Variants in SYNPR observed in about 807,000 individuals in gnomAD.
SYNPR encodes synaptoporin.
In SYNPR, 23 loss-of-function variants were observed where a neutral mutation model predicts 32.9. The observed-to-expected ratio is 0.70, with a 90% CI of 0.50 to 0.99. The LOEUF is 0.99. Among genes scored for constraint, SYNPR ranks in the 50% least tolerant of loss-of-function variants. The pLI is 0.00. For missense variants in SYNPR, 318 were observed against 349.3 expected, an observed-to-expected ratio of 0.91 and a Z score of 0.71; for synonymous variants, 146 against 135.9, an observed-to-expected ratio of 1.07 and a Z score of -0.52.
chr3:63,432,969 A>G (rs1700020292), intron 2 of SYNPR, among the ~76,000 whole-genome samples: 1 of 152,158 alleles, frequency 6.6e-6, no homozygotes, highest in Non-Finnish European at 1.5e-5. Context: ...CTGATTCAGG[A>G]GAGGTCAGGG....
chr3:63,448,896 G>C (rs1700328695), intron 2 of SYNPR, among the ~76,000 whole-genome samples: 2 of 152,156 alleles, frequency 1.3e-5, no homozygotes, highest in African/African-American at 4.8e-5. Flanking sequence ...GGAAATGTGT[G>C]CTTTTGGTCC....
At chr3:63,360,763 A>T (rs1266885744) in intron 2 of SYNPR, among the ~76,000 whole-genome samples, 1 of 152,180 alleles carries the variant, frequency 6.6e-6, no homozygotes, top group African/African-American at 2.4e-5. Flanking sequence ...TCAGATGCAG[A>T]GTGCCCCCTT....
intron 2 of SYNPR, among the ~76,000 whole-genome samples, chr3:63,373,204 C>T (rs2087843108): frequency 6.6e-6 from 1 of 152,158 alleles, no homozygotes; most frequent in African/African-American, 2.4e-5. Context: ...ACTAGTTCCC[C>T]AGCAAGGGTA....
chr3:63,506,228 T>C (rs1388446524), intron 3 of SYNPR, among the ~76,000 whole-genome samples: 1 of 152,076 alleles, frequency 6.6e-6, no homozygotes, highest in Non-Finnish European at 1.5e-5. Flanking sequence ...GAACCATTGA[T>C]TGAACATGGG....
chr3:63,210,311 G>A, the SYNPR span, among the ~76,000 whole-genome samples: 2 of 152,196 alleles, frequency 1.3e-5, no homozygotes, highest in Admixed American at 1.3e-4. Flanking sequence ...CTTTCCTCAA[G>A]GAGTAGGTAA....
intron 2 of SYNPR, among the ~76,000 whole-genome samples, chr3:63,439,104 C>T (rs1453349065): frequency 6.6e-6 from 1 of 152,080 alleles, no homozygotes; most frequent in Non-Finnish European, 1.5e-5. Context: ...GGTGTGTCCA[C>T]CAAAGGGGAG....
chr3:63,450,878 A>C (rs994881496), intron 2 of SYNPR, among the ~76,000 whole-genome samples: 2 of 152,096 alleles, frequency 1.3e-5, no homozygotes, highest in Non-Finnish European at 2.9e-5. Flanking sequence ...AATTATCGAG[A>C]CCCTTGGCAC....
Position 63,287,203 on chromosome 3 carries a change from CA to C in SYNPR, c.84+8463del, listed in dbSNP as rs1269929238. ...ATCCTCACCCTTTTAACTCTCATAC[CA>C]AGAGACAATTTCTTGCTCTGTACAC... On this transcript the variant is annotated intron_variant, in intron 2 of 5. Transcript: ENST00000478300. Among the ~76,000 whole-genome samples the C allele has an allele frequency of 2.6e-5, 4 of 152,148 alleles. No homozygotes were observed. The East Asian group carries it at 5.8e-4, about 22-fold the overall frequency.
chr3:63,571,841 T>A (rs1280923701), intron 4 of SYNPR, among the ~76,000 whole-genome samples: 1 of 152,162 alleles, frequency 6.6e-6, no homozygotes, highest in Non-Finnish European at 1.5e-5. Context: ...CCCGCCTAGA[T>A]CTATGATCCT....
At chr3:63,479,431 A>T (rs1014180707) in intron 2 of SYNPR, among the ~76,000 whole-genome samples, 1 of 118,638 alleles carries the variant, frequency 8.4e-6, no homozygotes, top group Admixed American at 8.9e-5. Context: ...AGTCACTTAA[A>T]ACTGCCACAC....
At chr3:63,203,772 G>A in the SYNPR span, among the ~76,000 whole-genome samples, 10 of 152,150 alleles carry the variant, frequency 6.6e-5, no homozygotes, top group African/African-American at 1.4e-4. Context: ...CAAGGTGGGC[G>A]GATCACCTGA....
At chr3:63,414,325 G>C (rs2088511405) in intron 2 of SYNPR, among the ~76,000 whole-genome samples, 1 of 151,978 alleles carries the variant, frequency 6.6e-6, no homozygotes, top group South Asian at 2.1e-4. Context: ...CACACAATAG[G>C]GGCACATCTG....
intron 4 of SYNPR, among the ~76,000 whole-genome samples, chr3:63,589,756 C>G (rs1270886140): frequency 1.0e-4 from 13 of 128,368 alleles, no homozygotes; most frequent in South Asian, 5.6e-4. Context: ...ATTCAACAAC[C>G]CTTCATGCTA....
intron 2 of SYNPR, among the ~76,000 whole-genome samples, chr3:63,282,722 G>T (rs1312040481): frequency 6.7e-6 from 1 of 150,164 alleles, no homozygotes; most frequent in Non-Finnish European, 1.5e-5. Context: ...CAATTAATAT[G>T]CATTGACCTG....
At chr3:63,522,187 C>T (rs567300821) in intron 3 of SYNPR, among the ~76,000 whole-genome samples, 20 of 152,276 alleles carry the variant, frequency 1.3e-4, no homozygotes, top group African/African-American at 4.6e-4. Context: ...ATGTTTGCTG[C>T]GGTTGTTATC....
intron 2 of SYNPR, among the ~76,000 whole-genome samples, chr3:63,253,668 C>T (rs1449193858): frequency 6.6e-6 from 1 of 152,150 alleles, no homozygotes; most frequent in Non-Finnish European, 1.5e-5. Flanking sequence ...CAGGAAACTA[C>T]AGGTGCTGGA....
chr3:63,530,965 A>G (rs1702102781), intron 3 of SYNPR, among the ~76,000 whole-genome samples: 1 of 152,082 alleles, frequency 6.6e-6, no homozygotes, highest in African/African-American at 2.4e-5. Context: ...AATGATGAGT[A>G]GAGTTTGAGT....
At chr3:63,307,979 T>C (rs1056597271) in intron 2 of SYNPR, among the ~76,000 whole-genome samples, 1 of 151,832 alleles carries the variant, frequency 6.6e-6, no homozygotes, top group Admixed American at 6.6e-5. Flanking sequence ...AGGACTTTTA[T>C]CCAAGTAAAG....
upstream of SYNPR, among the ~76,000 whole-genome samples, chr3:63,224,238 G>C (rs2086113079): frequency 6.6e-6 from 1 of 152,168 alleles, no homozygotes; most frequent in Non-Finnish European, 1.5e-5. Context: ...GATTCTCATA[G>C]GATTGCGGAC....
Sources: allele counts gnomAD v4.1 joint callset (sites outside exome capture counted in the v4.1 genomes callset), GRCh38; gene constraint gnomAD v4.1.1; transcripts MANE v1.5; gene names NCBI Gene and HGNC (gene_info 2026-07-23, HGNC 2026-07-21).